RALYL: variants seen among roughly 807,000 people sequenced by gnomAD.
The protein encoded by RALYL is RALY RNA binding protein like, also known as RNA-binding Raly-like protein.
RALYL carries 29 observed loss-of-function variants against 35.1 expected under a neutral mutation model. The ratio of observed to expected loss-of-function variants is 0.83; its 90% confidence interval spans 0.61 to 1.13. RALYL has a LOEUF of 1.13. Among genes scored for constraint, RALYL ranks in the 50% most tolerant of loss-of-function variants. The pLI is 0.00. For synonymous variants in RALYL, 120 were observed against 127.6 expected (o/e 0.94, Z 0.40); for missense variants, 359 against 360.4 (o/e 1.00, Z 0.03).
intron 2 of RALYL, among the ~76,000 whole-genome samples, chr8:84,732,681 T>C (rs898112253): frequency 1.0e-5 from 1 of 99,098 alleles, no homozygotes; most frequent in Non-Finnish European, 2.2e-5. Flanking sequence ...TATATATATA[T>C]ATACACACAC....
At chr8:84,543,914 A>G (rs1180715081) in intron 2 of RALYL, among the ~76,000 whole-genome samples, 1 of 152,070 alleles carries the variant, frequency 6.6e-6, no homozygotes, top group African/African-American at 2.4e-5. Flanking sequence ...ATCGATCAGC[A>G]TTGTCAGAAA....
chr8:84,699,503 A>T (rs1389376698), intron 2 of RALYL, among the ~76,000 whole-genome samples: 1 of 152,098 alleles, frequency 6.6e-6, no homozygotes, highest in Non-Finnish European at 1.5e-5. Flanking sequence ...CTTTCTGGTC[A>T]ATAGAAGGCA....
chr8:84,210,779 A>G (rs1312807161), intron 1 of RALYL, among the ~76,000 whole-genome samples: 1 of 152,098 alleles, frequency 6.6e-6, no homozygotes, highest in Non-Finnish European at 1.5e-5. Context: ...TCATGCTTGT[A>G]CAAGAGGCAA....
At chr8:84,375,063 T>C (rs1856646168) in intron 1 of RALYL, among the ~76,000 whole-genome samples, 1 of 151,758 alleles carries the variant, frequency 6.6e-6, no homozygotes, top group African/African-American at 2.4e-5. Context: ...ACATAGTAGG[T>C]GTATATATTT....
intron 2 of RALYL, among the ~76,000 whole-genome samples, chr8:84,609,317 T>C (rs1254603913): frequency 6.6e-6 from 1 of 152,176 alleles, no homozygotes. Context: ...TTGCCTTCAG[T>C]TTCCTTGTCT....
At chr8:84,243,937 CTAT>C (rs973197894) in intron 1 of RALYL, among the ~76,000 whole-genome samples, 1 of 152,086 alleles carries the variant, frequency 6.6e-6, no homozygotes, top group African/African-American at 2.4e-5. Context: ...TAGTCAGTTG[CTAT>C]TATTCTAAGA....
intron 1 of RALYL, among the ~76,000 whole-genome samples, chr8:84,293,839 A>C (rs2132262161): frequency 6.6e-6 from 1 of 152,222 alleles, no homozygotes; most frequent in Admixed American, 6.5e-5. Context: ...CTCTCCAAGC[A>C]CGAAACTTTC....
Position 84,602,081 on chromosome 8 carries a change from G to C in RALYL, c.256+72504G>C, listed in dbSNP as rs562814514. Among the ~76,000 whole-genome samples, 4 of 152,020 alleles carry C rather than the reference G, an allele frequency of 2.6e-5. No individual in the cohort carries two copies. In the South Asian group the frequency reaches 8.3e-4, roughly 32 times the overall value. On this transcript the variant is annotated intron_variant, in intron 2 of 8. Coordinates refer to ENST00000521268, the MANE Select transcript of RALYL (RefSeq NM_173848.7). ...TCTTCGTGACCTCATCCTTCTCCTTGTTGTTAAAGAGGCATGTAGTGTTGC... is the reference window on the plus strand; with the variant it reads ...TCTTCGTGACCTCATCCTTCTCCTTCTTGTTAAAGAGGCATGTAGTGTTGC...
chr8:84,257,765 T>C (rs922322519), intron 1 of RALYL, among the ~76,000 whole-genome samples: 3 of 152,270 alleles, frequency 2.0e-5, no homozygotes, highest in African/African-American at 7.2e-5. Context: ...CTCCTGAAGC[T>C]GCATTGGCTT....
At chr8:84,486,009 CTTTTTTTTTTTT>C (rs3043836) in intron 1 of RALYL, among the ~76,000 whole-genome samples, 1 of 104,944 alleles carries the variant, frequency 9.5e-6, no homozygotes, top group Non-Finnish European at 1.9e-5. Flanking sequence ...AAATCAAAAG[CTTTTTTTTTTTT>C]TTTTTTTTTG....
At chr8:84,585,600 G>A (rs2136039151) in intron 2 of RALYL, among the ~76,000 whole-genome samples, 1 of 152,166 alleles carries the variant, frequency 6.6e-6, no homozygotes, top group South Asian at 2.1e-4. Context: ...CTCAGTGACT[G>A]TTTTACATTT....
At chr8:84,389,059 G>A (rs1215191895) in intron 1 of RALYL, among the ~76,000 whole-genome samples, 1 of 151,930 alleles carries the variant, frequency 6.6e-6, no homozygotes, top group African/African-American at 2.4e-5. Context: ...CTTTCTATAT[G>A]TGGCTAGCCA....
intron 1 of RALYL, among the ~76,000 whole-genome samples, chr8:84,222,435 A>T: frequency 6.6e-6 from 1 of 152,146 alleles, no homozygotes; most frequent in South Asian, 2.1e-4. Flanking sequence ...TAGATTTCAA[A>T]ATGGTGGATG....
intron 3 of RALYL, among the ~76,000 whole-genome samples, chr8:84,798,889 CCAGA>C: frequency 6.6e-6 from 1 of 152,172 alleles, no homozygotes; most frequent in South Asian, 2.1e-4. Context: ...AAGATGCCAC[CCAGA>C]CAGTGAGCAA....
chr8:84,791,949 G>A (rs1820882319), intron 3 of RALYL, among the ~76,000 whole-genome samples: 1 of 152,114 alleles, frequency 6.6e-6, no homozygotes, highest in Non-Finnish European at 1.5e-5. Flanking sequence ...CCTTCTGTCT[G>A]TTCAGCCACC....
chr8:84,470,093 C>G (rs943502477), intron 1 of RALYL, among the ~76,000 whole-genome samples: 1 of 152,150 alleles, frequency 6.6e-6, no homozygotes, highest in Non-Finnish European at 1.5e-5. Flanking sequence ...CAGAAATCAC[C>G]CATCTTCTGC....
At chr8:84,855,020 T>A (rs1039015790) in intron 5 of RALYL, among the ~76,000 whole-genome samples, 26 of 152,206 alleles carry the variant, frequency 1.7e-4, no homozygotes, top group African/African-American at 6.0e-4. Flanking sequence ...ATTCTGCTGA[T>A]GCTACTGGAA....
chr8:84,510,882 A>G (rs1360796758), intron 1 of RALYL, among the ~76,000 whole-genome samples: 1 of 152,170 alleles, frequency 6.6e-6, no homozygotes, highest in African/African-American at 2.4e-5. Context: ...ACAATGTGGA[A>G]TGATTAACTG....
At chr8:84,714,506 AT>A (rs550408554) in intron 2 of RALYL, among the ~76,000 whole-genome samples, 267 of 151,428 alleles carry the variant, frequency 1.8e-3, no homozygotes, top group Middle Eastern at 7.0e-3. Flanking sequence ...TATATATATA[AT>A]TTTTATTAAT....
Sources: allele counts gnomAD v4.1 joint callset (sites outside exome capture counted in the v4.1 genomes callset), GRCh38; gene constraint gnomAD v4.1.1; transcripts MANE v1.5; gene names NCBI Gene and HGNC (gene_info 2026-07-23, HGNC 2026-07-21).